The following CACNA1C variants were observed in gnomAD, a reference collection of about 807,000 sequenced individuals.
The protein encoded by CACNA1C is voltage-dependent L-type calcium channel subunit alpha-1C.
CACNA1C carries 30 observed loss-of-function variants against 229.0 expected under a neutral mutation model. The observed-to-expected ratio is 0.13, with a 90% CI of 0.10 to 0.18. The LOEUF is 0.18. Ranked by LOEUF, CACNA1C falls within the 10% of genes least tolerant of loss-of-function variation. The probability of loss-of-function intolerance (pLI) is 1.00; values close to 1 mark genes in which losing one functional copy is unlikely to be tolerated. For missense variants in CACNA1C, 1,658 were observed against 2,845.0 expected (o/e 0.58, Z 9.49); for synonymous variants, 1,114 against 1,132.5 (o/e 0.98, Z 0.33).
intron 5 of CACNA1C, among the ~76,000 whole-genome samples, chr12:2,466,104 A>T (rs938334508): frequency 1.3e-5 from 2 of 152,208 alleles, no homozygotes; most frequent in East Asian, 3.9e-4. Context: ...GGGATTAGTC[A>T]CCGTGAAACT....
At chr12:2,547,896 G>A (rs1159111436) in intron 9 of CACNA1C, among the ~76,000 whole-genome samples, 1 of 152,084 alleles carries the variant, frequency 6.6e-6, no homozygotes, top group Non-Finnish European at 1.5e-5. Context: ...GCCCAGGCCT[G>A]CCCCTCCGAT....
At chr12:2,503,399 G>T (rs892685122) in intron 7 of CACNA1C, among the ~76,000 whole-genome samples, 2 of 152,216 alleles carry the variant, frequency 1.3e-5, no homozygotes, top group African/African-American at 4.8e-5. Flanking sequence ...ACCCTGTTTA[G>T]TCAGAAGGCA....
chr12:2,035,150 CG>C (rs2048896767), intron 1 of CACNA1C, among the ~76,000 whole-genome samples: 1 of 152,160 alleles, frequency 6.6e-6, no homozygotes, highest in African/African-American at 2.4e-5. Flanking sequence ...CGCGTGTGCC[CG>C]GGCCCTCCGC....
At chr12:2,278,613 G>A (rs1415149592) in intron 3 of CACNA1C, among the ~76,000 whole-genome samples, 1 of 152,174 alleles carries the variant, frequency 6.6e-6, no homozygotes, top group African/African-American at 2.4e-5. Context: ...GTGTTCCATT[G>A]TATGGATATA....
chr12:2,241,810 C>A (rs1363327320), intron 3 of CACNA1C, among the ~76,000 whole-genome samples: 2 of 152,214 alleles, frequency 1.3e-5, no homozygotes, highest in Non-Finnish European at 2.9e-5. Flanking sequence ...ATGTTTGATC[C>A]CCTGCTGTAT....
intron 3 of CACNA1C, among the ~76,000 whole-genome samples, chr12:2,352,699 A>G (rs2097239304): frequency 6.6e-6 from 1 of 151,000 alleles, no homozygotes; most frequent in Non-Finnish European, 1.5e-5. Context: ...GGTTACCCCC[A>G]AGGATGCTGA....
At chr12:2,623,100 T>C (rs186702106) in intron 29 of CACNA1C, among the ~76,000 whole-genome samples, 1 of 152,298 alleles carries the variant, frequency 6.6e-6, no homozygotes, top group East Asian at 1.9e-4. Context: ...GCCCTGCTCT[T>C]TGGGAAGGTA....
At position 2,585,877 on chromosome 12, in the gene CACNA1C, A is replaced by G. The variant is rs1322134678; in HGVS notation, c.2503A>G (p.Ser835Gly). 6.2e-7 allele frequency: 1 copy of G among 1,607,596 alleles called. No homozygotes were observed. The highest frequency in any genetic ancestry group is 1.1e-5 in the South Asian group (1 of 89,276). Reference sequence around the variant, plus strand: ...CCAGCCCAATGAAAATGAGGATAAGAGCCCCTACCCCAACCCAGAAACTAC... The same window carrying G: ...CCAGCCCAATGAAAATGAGGATAAGGGCCCCTACCCCAACCCAGAAACTAC... ...DLQPNENEDK[S>G]PYPNPETTGE... Residue 835 changes from serine (S) to glycine (G), a missense_variant, in exon 18 of 47, where the codon AGC becomes GGC. Physicochemically the swap from Ser to Gly is moderately conservative, Grantham distance 56 (BLOSUM62 0). Around this residue, in one of 20 missense-constraint regions of CACNA1C, gnomAD observed 121 missense variants for 128.8 expected, o/e 0.94. Transcript: ENST00000399655. This position sits in a 1 kb window ranked among gnomAD's most constrained non-coding sequence, Gnocchi z 4.1.
intron 34 of CACNA1C, among the ~76,000 whole-genome samples, chr12:2,656,092 A>G (rs540458424): frequency 7.7e-4 from 118 of 152,352 alleles, no homozygotes; most frequent in African/African-American, 2.7e-3. Context: ...TGGAAGTCCT[A>G]GCCAGAGCAA....
At position 2,486,476 on chromosome 12, in the gene CACNA1C, C is replaced by A. The variant is rs970120926; in HGVS notation, c.916+214C>A. Among the ~76,000 whole-genome samples the A allele has an allele frequency of 6.6e-6, 1 of 152,224 alleles. No individual in the cohort carries two copies. The highest frequency in any genetic ancestry group is 2.4e-5 in the African/African-American group (1 of 41,458). On this transcript the variant is annotated intron_variant, in intron 6 of 46. Transcript: ENST00000399655. The surrounding 1 kb of genome is among the most constrained non-coding windows in gnomAD (Gnocchi z 4.9). ...TTTAATCTCTGTTAAACCGGCCTAA[C>A]GCAAACTTCGTTCAGCACTTTTCAA... is the stretch of plus-strand genomic sequence containing the variant.
At chr12:1,993,627 GGTGTGTGT>G (rs150056084) in intron 1 of CACNA1C, among the ~76,000 whole-genome samples, 2 of 146,674 alleles carry the variant, frequency 1.4e-5, no homozygotes, top group East Asian at 2.0e-4. Context: ...CTTCATTTGT[GGTGTGTGT>G]GTGTGTGTGT....
intron 20 of CACNA1C, among the ~76,000 whole-genome samples, chr12:2,596,378 A>G (rs1435701390): frequency 2.0e-5 from 3 of 152,188 alleles, no homozygotes; most frequent in Non-Finnish European, 4.4e-5. Context: ...ATAGGTGCCA[A>G]TGATATGGCT....
At chr12:2,071,760 T>A (rs2061423592) in intron 1 of CACNA1C, among the ~76,000 whole-genome samples, 1 of 152,226 alleles carries the variant, frequency 6.6e-6, no homozygotes. Context: ...TTAAATGCAT[T>A]TGCAATTTCA....
Position 2,663,735 on chromosome 12 carries a change from CTT to C in CACNA1C, c.4233-1067_4233-1066del, listed in dbSNP as rs55933898. Among the ~76,000 whole-genome samples the C allele has an allele frequency of 2.6e-3, 275 of 103,822 alleles. 3 individuals carry two copies. Among genetic ancestry groups the C allele is most frequent in the African/African-American group, 0.01 (258 of 24,990 alleles). The allele number at this position is 103,822 out of a possible 152,430, so 68.1% of individuals were successfully genotyped here. A position where few individuals can be genotyped will look rare whatever the true frequency, so the allele number is the denominator to read the frequency against. The stretch of plus-strand genomic sequence containing the variant: ...TAAAAAAGAATAGAGAATAGAGTAT[CTT>C]TTTTTTTTTTTTTTTTTTTTTTGAG... On this transcript the variant is annotated intron_variant, in intron 34 of 46. Coordinates refer to ENST00000399655, the MANE Select transcript of CACNA1C (RefSeq NM_000719.7).
chr12:2,114,291 G>A (rs11835699), intron 1 of CACNA1C, among the ~76,000 whole-genome samples: 3,287 of 152,278 alleles, frequency 0.022, 109 homozygotes, highest in African/African-American at 0.074. Flanking sequence ...CTCACAGCAT[G>A]GCAGCTCAGG....
At chr12:2,265,824 G>A (rs2082183194) in intron 3 of CACNA1C, among the ~76,000 whole-genome samples, 1 of 152,184 alleles carries the variant, frequency 6.6e-6, no homozygotes, top group Admixed American at 6.5e-5. Flanking sequence ...GAGCTGGGTG[G>A]CCCAGCAATC....
At chr12:2,377,386 A>G (rs1273395965) in intron 3 of CACNA1C, among the ~76,000 whole-genome samples, 1 of 152,108 alleles carries the variant, frequency 6.6e-6, no homozygotes, top group Non-Finnish European at 1.5e-5. Context: ...GGCGAACACC[A>G]CATGCACCCA....
intron 5 of CACNA1C, among the ~76,000 whole-genome samples, chr12:2,484,465 T>A (rs1025233631): frequency 6.6e-6 from 1 of 152,082 alleles, no homozygotes; most frequent in Non-Finnish European, 1.5e-5. Context: ...CTTGTCTTCA[T>A]CCTAAGAGCA....
rs12826302 is a variant in CACNA1C, at chr12:2,459,156, T to G, written c.757+1450T>G. On this transcript the variant is annotated intron_variant, in intron 5 of 46. Coordinates refer to ENST00000399655, the MANE Select transcript of CACNA1C (RefSeq NM_000719.7). ...TGCCACCATGCCCAGCTAATTTTTG[T>G]TTTTTTGTGTGTGTTTTTTTTTTTT... 2.5e-5 allele frequency among the ~76,000 whole-genome samples: 3 copies of G among 120,118 alleles called. No homozygotes were observed. The East Asian group carries it at 7.6e-4, about 30-fold the overall frequency. The allele number at this position is 120,118 out of a possible 152,430, so 78.8% of individuals were successfully genotyped here. A position where few individuals can be genotyped will look rare whatever the true frequency, so the allele number is the denominator to read the frequency against.
Sources: gnomAD v4.1 joint callset for allele counts (sites outside exome capture counted in the v4.1 genomes callset) on GRCh38, gnomAD v4.1.1 for gene constraint, gnomAD v4.1.1 regional missense constraint, Gnocchi (gnomAD v3.1) non-coding constraint, MANE v1.5 for transcripts, NCBI Gene and HGNC (gene_info 2026-07-23, HGNC 2026-07-21) for gene names.